The following ADGRL3 variants were observed in gnomAD, a reference collection of about 807,000 sequenced individuals.
ADGRL3 encodes the protein calcium-independent alpha-latrotoxin receptor 3.
ADGRL3 carries 62 observed loss-of-function variants against 153.5 expected under a neutral mutation model. That is an observed-to-expected ratio of 0.40 (90% CI 0.33 to 0.50). The LOEUF is 0.50. ADGRL3 is among the 20% of genes least tolerant of loss of function. The probability of loss-of-function intolerance (pLI) is 0.47; values close to 1 mark genes in which losing one functional copy is unlikely to be tolerated. For synonymous variants in ADGRL3, 710 were observed against 672.5 expected (o/e 1.06, Z -0.86); for missense variants, 1,641 against 1,859.4 (o/e 0.88, Z 2.16).
intron 6 of ADGRL3, among the ~76,000 whole-genome samples, chr4:61,688,995 C>A (rs1184693504): frequency 6.6e-6 from 1 of 152,170 alleles, no homozygotes; most frequent in Non-Finnish European, 1.5e-5. Context: ...GGATCTCACT[C>A]TGTGGCCCAG....
intron 24 of ADGRL3, 108 bp downstream of exon 24, chr4:62,037,964 T>C (rs1726021300): frequency 7.9e-7 from 1 of 1,260,562 alleles, no homozygotes. Context: ...CGTTTGTTTT[T>C]GTTGTTTCAC....
At chr4:61,315,986 A>G (rs1449532137) in intron 1 of ADGRL3, among the ~76,000 whole-genome samples, 1 of 152,224 alleles carries the variant, frequency 6.6e-6, no homozygotes, top group African/African-American at 2.4e-5. Flanking sequence ...CACTAGGGAT[A>G]TAACAATAAA....
At chr4:61,402,168 C>T (rs1035571905) in intron 2 of ADGRL3, among the ~76,000 whole-genome samples, 2 of 152,012 alleles carry the variant, frequency 1.3e-5, no homozygotes, top group African/African-American at 4.8e-5. Flanking sequence ...GAAAGATTTA[C>T]AAAAACAAGC....
intron 8 of ADGRL3, among the ~76,000 whole-genome samples, chr4:61,776,708 A>G (rs954317294): frequency 1.3e-5 from 2 of 152,304 alleles, no homozygotes; most frequent in Admixed American, 1.3e-4. Flanking sequence ...GAACTACTTG[A>G]ATTTATGTAA....
At chr4:61,228,961 G>T (rs1461268103) in intron 1 of ADGRL3, among the ~76,000 whole-genome samples, 3 of 152,148 alleles carry the variant, frequency 2.0e-5, no homozygotes, top group Non-Finnish European at 4.4e-5. Context: ...CACAGTGCTG[G>T]AATTACAGGC....
chr4:61,299,032 G>A (rs147267691), intron 1 of ADGRL3, among the ~76,000 whole-genome samples: 1 of 152,234 alleles, frequency 6.6e-6, no homozygotes, highest in Admixed American at 6.5e-5. Flanking sequence ...AATAAGTACA[G>A]TAAATATTGA....
intron 8 of ADGRL3, among the ~76,000 whole-genome samples, chr4:61,771,874 T>C (rs1331330430): frequency 6.6e-6 from 1 of 152,128 alleles, no homozygotes; most frequent in Non-Finnish European, 1.5e-5. Context: ...CTACCAAAGA[T>C]AGAAGAATGA....
chr4:61,407,618 G>A (rs1408288497), intron 2 of ADGRL3, among the ~76,000 whole-genome samples: 2 of 152,118 alleles, frequency 1.3e-5, no homozygotes, highest in Non-Finnish European at 2.9e-5. Context: ...ACAAAGCTCT[G>A]CAGTAACAGA....
chr4:61,599,712 G>C (rs75503671), intron 5 of ADGRL3, among the ~76,000 whole-genome samples: 2,416 of 152,222 alleles, frequency 0.016, 29 homozygotes, highest in Non-Finnish European at 0.023. Flanking sequence ...ATTATGGCTA[G>C]CCTTGGGGAA....
intron 17 of ADGRL3, among the ~76,000 whole-genome samples, chr4:61,962,963 A>G (rs1376783845): frequency 6.6e-6 from 1 of 152,154 alleles, no homozygotes; most frequent in Non-Finnish European, 1.5e-5. Flanking sequence ...GAAATGTGTT[A>G]TAGTTCTCAC....
chr4:61,675,216 T>C (rs760092738), intron 5 of ADGRL3, among the ~76,000 whole-genome samples: 1 of 151,964 alleles, frequency 6.6e-6, no homozygotes, highest in Non-Finnish European at 1.5e-5. Context: ...AGATGCTCTT[T>C]ATGTTGCCAC....
chr4:61,716,108 GC>G, intron 6 of ADGRL3, among the ~76,000 whole-genome samples: 2 of 152,020 alleles, frequency 1.3e-5, no homozygotes, highest in Middle Eastern at 6.8e-3. Context: ...AATTAGATTT[GC>G]TAATGACTTA....
intron 9 of ADGRL3, among the ~76,000 whole-genome samples, chr4:61,823,346 T>C (rs1441394517): frequency 6.6e-6 from 1 of 152,184 alleles, no homozygotes; most frequent in Non-Finnish European, 1.5e-5. Flanking sequence ...ATAGCTAATA[T>C]TTACTATGCA....
intron 2 of ADGRL3, among the ~76,000 whole-genome samples, chr4:61,485,325 A>C (rs2098178076): frequency 6.6e-6 from 1 of 152,194 alleles, no homozygotes; most frequent in South Asian, 2.1e-4. Context: ...TCTCAAGAAC[A>C]ATTTAAGACT....
chr4:61,368,978 T>A (rs2096464850), intron 1 of ADGRL3, among the ~76,000 whole-genome samples: 1 of 152,176 alleles, frequency 6.6e-6, no homozygotes, highest in Non-Finnish European at 1.5e-5. Flanking sequence ...GGTATTTTAT[T>A]CTCTTTGAAG....
chr4:61,652,612 A>G (rs938088621), intron 5 of ADGRL3, among the ~76,000 whole-genome samples: 3 of 152,228 alleles, frequency 2.0e-5, no homozygotes, highest in South Asian at 4.1e-4. Flanking sequence ...TGCTATACAT[A>G]CATCATCAGC....
chr4:61,922,531 C>G (rs1441615605), intron 13 of ADGRL3, among the ~76,000 whole-genome samples: 1 of 152,062 alleles, frequency 6.6e-6, no homozygotes, highest in Non-Finnish European at 1.5e-5. Flanking sequence ...TTATCTATGT[C>G]CTTTTCTGTT....
At chr4:61,255,918 C>T (rs1050021574) in intron 1 of ADGRL3, among the ~76,000 whole-genome samples, 2 of 152,148 alleles carry the variant, frequency 1.3e-5, no homozygotes, top group Non-Finnish European at 2.9e-5. Context: ...GAAGAATTTA[C>T]TGTTCTCCTC....
At chr4:61,273,646 C>G (rs1027978660) in intron 1 of ADGRL3, among the ~76,000 whole-genome samples, 4 of 152,150 alleles carry the variant, frequency 2.6e-5, no homozygotes, top group Non-Finnish European at 5.9e-5. Flanking sequence ...ACACTTCATT[C>G]CCTACCCTCG....
Sources: allele counts gnomAD v4.1 joint callset (sites outside exome capture counted in the v4.1 genomes callset), GRCh38; gene constraint gnomAD v4.1.1; transcripts MANE v1.5; gene names NCBI Gene and HGNC (gene_info 2026-07-23, HGNC 2026-07-21).